The following USP32 variants were observed in gnomAD, a reference collection of about 807,000 sequenced individuals.
USP32 encodes the protein ubiquitin carboxyl-terminal hydrolase 32.
Under a neutral mutation model 204.8 loss-of-function variants are expected in USP32, and 59 were observed. The observed-to-expected ratio is 0.29, with a 90% CI of 0.23 to 0.36. The LOEUF (loss-of-function observed/expected upper bound fraction) is 0.36. Among genes scored for constraint, USP32 ranks in the 10% least tolerant of loss-of-function variants. The pLI, the probability that USP32 is intolerant of heterozygous loss-of-function variation, is 1.00. For synonymous variants in USP32, 517 were observed against 678.4 expected, an observed-to-expected ratio of 0.76 and a Z score of 3.70; for missense variants, 1,160 against 1,946.4, an observed-to-expected ratio of 0.60 and a Z score of 7.60.
intron 1 of USP32, among the ~76,000 whole-genome samples, chr17:60,355,729 A>G (rs1408013765): frequency 6.6e-6 from 1 of 151,314 alleles, no homozygotes; most frequent in African/African-American, 2.4e-5. Flanking sequence ...TCAACTACTC[A>G]GGAGACTAAG....
At chr17:60,385,923 G>A (rs1398113790) in intron 1 of USP32, among the ~76,000 whole-genome samples, 1 of 151,950 alleles carries the variant, frequency 6.6e-6, no homozygotes, top group Non-Finnish European at 1.5e-5. Context: ...AAAGAGGGGT[G>A]TTAAGGAAAG....
intron 1 of USP32, among the ~76,000 whole-genome samples, chr17:60,388,599 T>C (rs746664184): frequency 7.9e-5 from 12 of 152,146 alleles, no homozygotes; most frequent in African/African-American, 1.2e-4. Flanking sequence ...ATCCATGAAG[T>C]ACAAGTGTAC....
At chr17:60,319,283 CAT>C (rs1458135025) in intron 2 of USP32, among the ~76,000 whole-genome samples, 1 of 151,988 alleles carries the variant, frequency 6.6e-6, no homozygotes, top group Non-Finnish European at 1.5e-5. Context: ...AATTTTAAAA[CAT>C]AGTAAAATAC....
At chr17:60,203,569 CTTTAT>C (rs1030810985) in intron 26 of USP32, among the ~76,000 whole-genome samples, 1 of 151,652 alleles carries the variant, frequency 6.6e-6, no homozygotes, top group Non-Finnish European at 1.5e-5. Context: ...CCTTGCTTTC[CTTTAT>C]TTTATTTATT....
At chr17:60,194,200 T>C (rs2084456097) in intron 27 of USP32, among the ~76,000 whole-genome samples, 1 of 152,166 alleles carries the variant, frequency 6.6e-6, no homozygotes, top group South Asian at 2.1e-4. Flanking sequence ...CGCAACACCA[T>C]ACCTGGCTAA....
intron 1 of USP32, among the ~76,000 whole-genome samples, chr17:60,354,916 T>G (rs1052826289): frequency 1.3e-5 from 2 of 152,076 alleles, no homozygotes; most frequent in Non-Finnish European, 2.9e-5. Flanking sequence ...ATAGTGGCGG[T>G]GCCTGTAGTC....
At chr17:60,277,949 C>T (rs566091401) in intron 5 of USP32, among the ~76,000 whole-genome samples, 7 of 137,272 alleles carry the variant, frequency 5.1e-5, no homozygotes, top group African/African-American at 1.8e-4. Context: ...GAGACAGGGT[C>T]TCACTCTGTC....
intron 9 of USP32, among the ~76,000 whole-genome samples, chr17:60,261,247 G>C (rs2086444405): frequency 6.6e-6 from 1 of 152,164 alleles, no homozygotes; most frequent in Non-Finnish European, 1.5e-5. Flanking sequence ...ATCTAGAACA[G>C]ATAGGAAAAT....
intron 11 of USP32, among the ~76,000 whole-genome samples, chr17:60,248,049 A>G (rs1228331420): frequency 6.6e-6 from 1 of 152,166 alleles, no homozygotes; most frequent in Non-Finnish European, 1.5e-5. Context: ...TGTCAGTGCC[A>G]TGCTGTTTTG....
At chr17:60,229,320 G>A (rs1266962889) in intron 12 of USP32, among the ~76,000 whole-genome samples, 1 of 152,166 alleles carries the variant, frequency 6.6e-6, no homozygotes, top group Non-Finnish European at 1.5e-5. Context: ...TAGGATTACA[G>A]GCATGAGTCA....
chr17:60,274,561 C>A (rs1400982948), intron 5 of USP32, among the ~76,000 whole-genome samples: 1 of 151,948 alleles, frequency 6.6e-6, no homozygotes, highest in East Asian at 1.9e-4. Context: ...AACAAAAGAA[C>A]TAAGATAATA....
intron 29 of USP32, among the ~76,000 whole-genome samples, chr17:60,186,838 T>C (rs2084264176): frequency 6.6e-6 from 1 of 152,176 alleles, no homozygotes; most frequent in African/African-American, 2.4e-5. Context: ...GCCTGGCTGC[T>C]ACCTGACAAA....
intron 1 of USP32, among the ~76,000 whole-genome samples, chr17:60,388,590 T>A (rs954780653): frequency 6.6e-6 from 1 of 152,122 alleles, no homozygotes; most frequent in African/African-American, 2.4e-5. Context: ...ATTTCCAGTA[T>A]CCATGAAGTA....
At chr17:60,421,658 G>T in intron 1 of USP32, 3 of 930,302 alleles carry the variant, frequency 3.2e-6, no homozygotes, top group Non-Finnish European at 3.8e-6. Flanking sequence ...AGGGGGCGCT[G>T]CTGCCGCGCC....
chr17:60,225,952 CAAAA>C (rs11309727), intron 13 of USP32, 83 bp downstream of exon 13: 3,837 of 1,001,480 alleles, frequency 3.8e-3, no homozygotes, highest in South Asian at 4.3e-3. Context: ...AACTCAGTCT[CAAAA>C]AAAAAAAAAA....
chr17:60,226,005 A>G (rs1296581828), intron 13 of USP32, 34 bp downstream of exon 13: 4 of 1,550,178 alleles, frequency 2.6e-6, no homozygotes, highest in Non-Finnish European at 3.5e-6. Flanking sequence ...GGGGGAATAA[A>G]CCAATAAACC....
chr17:60,349,598 T>A (rs796200230), intron 1 of USP32, among the ~76,000 whole-genome samples: 2,490 of 56,462 alleles, frequency 0.044, 86 homozygotes, highest in African/African-American at 0.087. Context: ...AAAAAAAAAA[T>A]ATATATATAT....
chr17:60,305,621 C>G (rs540888262), intron 2 of USP32, among the ~76,000 whole-genome samples: 2 of 152,220 alleles, frequency 1.3e-5, no homozygotes, highest in Admixed American at 6.5e-5. Context: ...GGTGAAATCT[C>G]CTGAAGATTA....
rs555840926 is a variant in USP32 at position 60,384,296 on chromosome 17, G to C, written c.58+7586C>G. ...AAGGCAACCATAGCAAATGTTAAAA[G>C]GCTTTTGCCACAGGGATAAGATGCT... On this transcript the variant is annotated intron_variant, in intron 1 of 33. Coordinates refer to ENST00000300896, the MANE Select transcript of USP32 (RefSeq NM_032582.4). Among the ~76,000 whole-genome samples, 4 of 152,286 alleles carry C rather than the reference G, an allele frequency of 2.6e-5. 1 individual carries two copies. The South Asian group carries it at 8.3e-4, about 32-fold the overall frequency.
Sources: allele counts gnomAD v4.1 joint callset (sites outside exome capture counted in the v4.1 genomes callset), GRCh38; gene constraint gnomAD v4.1.1; transcripts MANE v1.5; gene names NCBI Gene and HGNC (gene_info 2026-07-23, HGNC 2026-07-21).